Variants in TFCP2 observed in about 807,000 individuals in gnomAD.
TFCP2 encodes the protein transcription factor CP2, also known as alpha-globin transcription factor CP2.
Under a neutral mutation model 73.4 loss-of-function variants are expected in TFCP2, and 33 were observed. The observed-to-expected ratio is 0.45, with a 90% CI of 0.34 to 0.60. The LOEUF (loss-of-function observed/expected upper bound fraction) is 0.60, where lower values mean the gene tolerates loss of function less well. Among genes scored for constraint, TFCP2 ranks in the 20% least tolerant of loss-of-function variants. The pLI is 0.01. For synonymous variants in TFCP2, 193 were observed against 211.6 expected, an observed-to-expected ratio of 0.91 and a Z score of 0.76; for missense variants, 352 against 604.0, an observed-to-expected ratio of 0.58 and a Z score of 4.37.
At position 51,172,620 on chromosome 12, in the gene TFCP2, G is replaced by A. The variant is rs2137057886; in HGVS notation, c.-198C>T. 1 of 643,652 alleles carries A rather than the reference G, an allele frequency of 1.6e-6. No individual in the cohort carries two copies. The highest frequency in any genetic ancestry group is 2.5e-6 in the Non-Finnish European group (1 of 397,044). The allele number at this position is 643,652 out of a possible 1,614,324, so 39.9% of individuals were successfully genotyped here. On this transcript the variant is annotated 5_prime_UTR_variant, in exon 1 of 15. Transcript: ENST00000257915. Reference sequence around the variant, plus strand: ...CCGTACCCTTGGCTGCTCGTTCTTGGCTGCCCCAGGTTCCAAAATCCCCCC... The same window carrying A: ...CCGTACCCTTGGCTGCTCGTTCTTGACTGCCCCAGGTTCCAAAATCCCCCC...
chr12:51,099,265 C>T (rs968622423), intron 12 of TFCP2, among the ~76,000 whole-genome samples: 6 of 152,046 alleles, frequency 3.9e-5, no homozygotes, highest in Non-Finnish European at 5.9e-5. Flanking sequence ...GCAGGGAGAT[C>T]GCTTGAGCCC....
intron 1 of TFCP2, among the ~76,000 whole-genome samples, chr12:51,135,233 C>A (rs920429803): frequency 6.6e-6 from 1 of 151,944 alleles, no homozygotes; most frequent in Non-Finnish European, 1.5e-5. Context: ...TCGAGACCAG[C>A]CTGACCAACG....
chr12:51,148,592 TG>T (rs1357592150), intron 1 of TFCP2, among the ~76,000 whole-genome samples: 2 of 148,578 alleles, frequency 1.3e-5, no homozygotes, highest in Non-Finnish European at 3.0e-5. Context: ...CCAGGCTACT[TG>T]GGAGGCTGAG....
intron 10 of TFCP2, among the ~76,000 whole-genome samples, 169 bp downstream of exon 10, chr12:51,103,501 C>A (rs893616350): frequency 6.6e-6 from 1 of 152,132 alleles, no homozygotes; most frequent in Admixed American, 6.5e-5. Flanking sequence ...AGCACAGCTG[C>A]AGCTAGTGAG....
intron 1 of TFCP2, among the ~76,000 whole-genome samples, chr12:51,154,994 A>G (rs1941508153): frequency 6.6e-6 from 1 of 152,200 alleles, no homozygotes; most frequent in Non-Finnish European, 1.5e-5. Context: ...AGGTTGATTG[A>G]GGGAGTAAGA....
intron 1 of TFCP2, chr12:51,124,937 G>A: frequency 1.3e-6 from 1 of 787,446 alleles, no homozygotes; most frequent in South Asian, 1.3e-5. Flanking sequence ...GCCCAAATGT[G>A]GCTGCTTGCT....
At position 51,145,540 on chromosome 12, in the gene TFCP2, A is replaced by T. The variant is rs2137021738; in HGVS notation, c.122+26761T>A. 2.4e-5 allele frequency among the ~76,000 whole-genome samples: 3 copies of T among 123,034 alleles called. No homozygotes were observed. In the Admixed American group the frequency reaches 3.1e-4, roughly 13 times the overall value. 80.7% of individuals were successfully genotyped at this position (123,034 alleles called of 152,430 possible). On this transcript the variant is annotated intron_variant, in intron 1 of 14. Transcript: ENST00000257915. ...AAGATCACACCACTCACTGCATTCCAGCCTGGGTGATGGAGTAAGACTATC... is the reference window on the plus strand; with the variant it reads ...AAGATCACACCACTCACTGCATTCCTGCCTGGGTGATGGAGTAAGACTATC...
intron 13 of TFCP2, among the ~76,000 whole-genome samples, chr12:51,098,401 G>A (rs1350216134): frequency 2.0e-5 from 3 of 152,010 alleles, no homozygotes; most frequent in Non-Finnish European, 4.4e-5. Context: ...CGAGGCGGGT[G>A]GATCACTTGA....
intron 1 of TFCP2, among the ~76,000 whole-genome samples, chr12:51,159,007 C>CAAAAAAAA (rs1390552711): frequency 7.7e-4 from 12 of 15,504 alleles, no homozygotes; most frequent in Admixed American, 1.5e-3. Flanking sequence ...ACTAAAAATC[C>CAAAAAAAA]AAAAAAAAAA....
chr12:51,128,107 T>TG (rs1940852673), intron 1 of TFCP2, among the ~76,000 whole-genome samples: 1 of 151,798 alleles, frequency 6.6e-6, no homozygotes. Flanking sequence ...TTAGTAGAGA[T>TG]GGGGTTTCAC....
intron 4 of TFCP2, among the ~76,000 whole-genome samples, chr12:51,115,064 G>GAAAAAAAAAAAAAA (rs71089747): frequency 1.5e-5 from 1 of 68,052 alleles, no homozygotes; most frequent in Non-Finnish European, 2.5e-5. Flanking sequence ...TCCATCTCAG[G>GAAAAAAAAAAAAAA]AAAAAAAAAA....
intron 1 of TFCP2, among the ~76,000 whole-genome samples, chr12:51,161,375 T>G (rs1418480947): frequency 1.4e-5 from 2 of 147,934 alleles, no homozygotes; most frequent in Non-Finnish European, 3.0e-5. Flanking sequence ...TACGGCCCAT[T>G]CACAGGAAAA....
intron 1 of TFCP2, among the ~76,000 whole-genome samples, chr12:51,140,320 T>C (rs1941157926): frequency 1.3e-5 from 2 of 152,066 alleles, no homozygotes; most frequent in Non-Finnish European, 2.9e-5. Flanking sequence ...ATCCCAATAC[T>C]TTGGGAGGCT....
chr12:51,106,759 T>C (rs1940256220), intron 7 of TFCP2, 146 bp from the exon 8 acceptor site: 1 of 652,062 alleles, frequency 1.5e-6, no homozygotes, highest in South Asian at 1.7e-5. Context: ...ACTGCTTCTC[T>C]TTCCGCCATC....
At chr12:51,098,705 A>G (rs1174281561) in intron 13 of TFCP2, 71 bp downstream of exon 13, 4 of 1,538,840 alleles carry the variant, frequency 2.6e-6, no homozygotes, top group Non-Finnish European at 3.6e-6. Flanking sequence ...CTGCCCCAGG[A>G]GAACTGCTCT....
At chr12:51,115,217 T>G (rs1007481416) in intron 4 of TFCP2, among the ~76,000 whole-genome samples, 34 of 148,734 alleles carry the variant, frequency 2.3e-4, no homozygotes, top group African/African-American at 8.1e-4. Context: ...CCTCCCGGGT[T>G]CACACCATTC....
chr12:51,141,531 C>A (rs1485978058), intron 1 of TFCP2, among the ~76,000 whole-genome samples: 1 of 151,994 alleles, frequency 6.6e-6, no homozygotes, highest in East Asian at 1.9e-4. Context: ...ATCAACAAGA[C>A]CTGGCCATCC....
At chr12:51,126,332 T>C (rs373667569) in intron 1 of TFCP2, among the ~76,000 whole-genome samples, 8 of 150,526 alleles carry the variant, frequency 5.3e-5, no homozygotes, top group East Asian at 3.9e-4. Context: ...TAAATGGAAA[T>C]CCACACCTCA....
intron 1 of TFCP2, among the ~76,000 whole-genome samples, 195 bp from the exon 2 acceptor site, chr12:51,118,967 T>C (rs891301873): frequency 6.6e-6 from 1 of 152,214 alleles, no homozygotes; most frequent in African/African-American, 2.4e-5. Flanking sequence ...ATGACAGATA[T>C]TCACTGCTAA....
Sources: allele counts gnomAD v4.1 joint callset (sites outside exome capture counted in the v4.1 genomes callset), GRCh38; gene constraint gnomAD v4.1.1; transcripts MANE v1.5; gene names NCBI Gene and HGNC (gene_info 2026-07-23, HGNC 2026-07-21).